PABPC4L: variants seen among roughly 807,000 people sequenced by gnomAD.
The protein encoded by PABPC4L is poly(A) binding protein cytoplasmic 4 like, also known as polyadenylate-binding protein 4-like.
For synonymous variants in PABPC4L, 169 were observed against 164.1 expected (o/e 1.03, Z -0.23); for missense variants, 452 against 451.4 (o/e 1.00, Z -0.01).
the PABPC4L span, among the ~76,000 whole-genome samples, chr4:134,005,040 A>G: frequency 6.6e-6 from 1 of 151,844 alleles, no homozygotes; most frequent in Non-Finnish European, 1.5e-5. Context: ...CTGGAAATCT[A>G]TTGTACAGCA....
the PABPC4L span, among the ~76,000 whole-genome samples, chr4:134,086,398 C>G: frequency 1.3e-5 from 2 of 152,144 alleles, no homozygotes; most frequent in Non-Finnish European, 2.9e-5. Flanking sequence ...GATGCATCAT[C>G]TACTCTCTAT....
At chr4:133,964,566 A>G in the PABPC4L span, among the ~76,000 whole-genome samples, 1 of 152,062 alleles carries the variant, frequency 6.6e-6, no homozygotes, top group Admixed American at 6.6e-5. Context: ...GCTAAAATCC[A>G]TGATACAGTA....
the PABPC4L span, among the ~76,000 whole-genome samples, chr4:134,084,288 C>CG: frequency 6.6e-6 from 1 of 152,094 alleles, no homozygotes; most frequent in South Asian, 2.1e-4. Flanking sequence ...TTCAAGCAAT[C>CG]CTCCCTCCTC....
At chr4:134,156,427 C>T in the PABPC4L span, among the ~76,000 whole-genome samples, 4 of 151,898 alleles carry the variant, frequency 2.6e-5, no homozygotes, top group African/African-American at 9.6e-5. Context: ...AAACTTCTAC[C>T]TTCTTGATTA....
the PABPC4L span, among the ~76,000 whole-genome samples, chr4:134,124,069 A>G: frequency 6.6e-6 from 1 of 152,116 alleles, no homozygotes; most frequent in East Asian, 1.9e-4. Flanking sequence ...ATCAGAAATC[A>G]GGGGTAATTC....
At chr4:134,156,239 C>G in the PABPC4L span, among the ~76,000 whole-genome samples, 11 of 151,894 alleles carry the variant, frequency 7.2e-5, no homozygotes, top group Non-Finnish European at 1.5e-4. Flanking sequence ...GGGATCACAG[C>G]CTGTTAAGAA....
chr4:133,951,462 G>C, the PABPC4L span, among the ~76,000 whole-genome samples: 1 of 151,894 alleles, frequency 6.6e-6, no homozygotes, highest in East Asian at 1.9e-4. Flanking sequence ...TCACTAACAG[G>C]GCCCCATCCA....
the PABPC4L span, among the ~76,000 whole-genome samples, chr4:134,015,552 A>G: frequency 6.6e-6 from 1 of 152,104 alleles, no homozygotes; most frequent in African/African-American, 2.4e-5. Context: ...GACAGCCCCC[A>G]TTACTTCAGT....
the PABPC4L span, among the ~76,000 whole-genome samples, chr4:134,120,259 G>GT: frequency 1.7e-4 from 13 of 78,152 alleles, no homozygotes; most frequent in Non-Finnish European, 2.7e-4. Context: ...TTTGTTCTTT[G>GT]GTTTTTTTTT....
chr4:133,980,321 A>C, the PABPC4L span, among the ~76,000 whole-genome samples: 1 of 152,194 alleles, frequency 6.6e-6, no homozygotes, highest in Non-Finnish European at 1.5e-5. Flanking sequence ...TTTTAACAGC[A>C]GCCTTTACAT....
chr4:134,005,780 T>A, the PABPC4L span, among the ~76,000 whole-genome samples: 2 of 151,754 alleles, frequency 1.3e-5, no homozygotes, highest in Non-Finnish European at 2.9e-5. Flanking sequence ...AGGGATCTGC[T>A]TTAGATTGGG....
the PABPC4L span, among the ~76,000 whole-genome samples, chr4:134,032,399 C>A: frequency 6.6e-6 from 1 of 151,862 alleles, no homozygotes; most frequent in Admixed American, 6.6e-5. Context: ...ATGGAAGAAA[C>A]AAGCCTTATT....
chr4:133,981,743 G>A, the PABPC4L span, among the ~76,000 whole-genome samples: 1 of 151,964 alleles, frequency 6.6e-6, no homozygotes, highest in Non-Finnish European at 1.5e-5. Context: ...ATGCCATTGA[G>A]AAGATGAAAT....
chr4:133,959,937 A>T, the PABPC4L span, among the ~76,000 whole-genome samples: 1 of 152,338 alleles, frequency 6.6e-6, no homozygotes, highest in Non-Finnish European at 1.5e-5. Flanking sequence ...AATATTTCTT[A>T]TATACATAAA....
the PABPC4L span, among the ~76,000 whole-genome samples, chr4:134,127,165 C>G: frequency 0.18 from 28,049 of 151,830 alleles, 3,467 homozygotes; most frequent in East Asian, 0.5. Context: ...ACAGTCCTAA[C>G]CCTGCCCCCA....
downstream of PABPC4L, among the ~76,000 whole-genome samples, chr4:134,191,698 A>G (rs1216888381): frequency 6.6e-6 from 1 of 152,046 alleles, no homozygotes; most frequent in Non-Finnish European, 1.5e-5. Flanking sequence ...ACAAAAACAC[A>G]ACACACCAAC....
the PABPC4L span, among the ~76,000 whole-genome samples, chr4:134,132,323 G>T: frequency 2.0e-5 from 3 of 151,934 alleles, no homozygotes; most frequent in African/African-American, 4.8e-5. Context: ...TCCAACAAAA[G>T]ATTAATATCC....
At chr4:134,013,216 T>G in the PABPC4L span, among the ~76,000 whole-genome samples, 1 of 151,942 alleles carries the variant, frequency 6.6e-6, no homozygotes, top group Non-Finnish European at 1.5e-5. Flanking sequence ...CCCACTTTTC[T>G]GGGGGAGGGG....
chr4:133,999,410 CGTT>C, the PABPC4L span, among the ~76,000 whole-genome samples: 10 of 151,822 alleles, frequency 6.6e-5, no homozygotes, highest in Admixed American at 4.6e-4. Flanking sequence ...TTCCTTTTGT[CGTT>C]GTTGTTATTA....
Sources: gnomAD v4.1 joint callset for allele counts (sites outside exome capture counted in the v4.1 genomes callset) on GRCh38, gnomAD v4.1.1 for gene constraint, MANE v1.5 for transcripts, NCBI Gene and HGNC (gene_info 2026-07-23, HGNC 2026-07-21) for gene names.